Variants in CCDC171 observed in about 807,000 individuals in gnomAD.
CCDC171 encodes the protein coiled-coil domain containing 171, also known as coiled-coil domain-containing protein 171.
Under a neutral mutation model 168.2 loss-of-function variants are expected in CCDC171, and 177 were observed. The ratio of observed to expected loss-of-function variants is 1.05; its 90% CI spans 0.93 to 1.19. CCDC171 has a LOEUF of 1.19. Ranked by LOEUF, CCDC171 falls within the 50% of genes most tolerant of loss-of-function variation. CCDC171 has a pLI of 0.00. For synonymous variants in CCDC171, 687 were observed against 540.8 expected (o/e 1.27, Z -3.75); for missense variants, 1,991 against 1,539.0 (o/e 1.29, Z -4.91).
intron 24 of CCDC171, among the ~76,000 whole-genome samples, chr9:15,906,904 G>C (rs1822734795): frequency 6.6e-6 from 1 of 151,904 alleles, no homozygotes; most frequent in African/African-American, 2.4e-5. Context: ...TCCAAATCAT[G>C]AGTGAACTCC....
intron 6 of CCDC171, among the ~76,000 whole-genome samples, chr9:15,613,753 G>A (rs2043881719): frequency 6.6e-6 from 1 of 152,084 alleles, no homozygotes; most frequent in African/African-American, 2.4e-5. Context: ...TTGAACTCCT[G>A]ACCTTGTGAT....
intron 3 of CCDC171, among the ~76,000 whole-genome samples, chr9:15,986,167 G>C (rs1831980187): frequency 6.6e-6 from 1 of 152,210 alleles, no homozygotes; most frequent in Non-Finnish European, 1.5e-5. Flanking sequence ...TTCTAAAACA[G>C]AAGAAGATTA....
intron 13 of CCDC171, 93 bp downstream of exon 13, chr9:15,723,839 A>G (rs2053641170): frequency 1.8e-6 from 1 of 541,644 alleles, no homozygotes; most frequent in African/African-American, 2.0e-5. Context: ...GGTACCTGAA[A>G]ATATGTATTT....
intron 25 of CCDC171, among the ~76,000 whole-genome samples, chr9:15,928,441 T>C (rs995275975): frequency 6.6e-6 from 1 of 151,734 alleles, no homozygotes; most frequent in Non-Finnish European, 1.5e-5. Context: ...GAGATGACAC[T>C]GGAGGAGAAG....
At chr9:16,080,843 T>C in the CCDC171 span, among the ~76,000 whole-genome samples, 1 of 152,208 alleles carries the variant, frequency 6.6e-6, no homozygotes, top group African/African-American at 2.4e-5. Flanking sequence ...GCTTTTCTGC[T>C]GCCCCCAGGC....
At chr9:15,912,945 T>G (rs1589106433) in intron 24 of CCDC171, among the ~76,000 whole-genome samples, 1 of 152,228 alleles carries the variant, frequency 6.6e-6, no homozygotes, top group South Asian at 2.1e-4. Flanking sequence ...TTTGCCAGTA[T>G]TTTATTGAGG....
intron 25 of CCDC171, among the ~76,000 whole-genome samples, chr9:15,928,615 G>T (rs907994899): frequency 5.3e-5 from 8 of 151,426 alleles, no homozygotes; most frequent in African/African-American, 1.9e-4. Context: ...TGCATTTTAT[G>T]TCATAACAGT....
intron 18 of CCDC171, among the ~76,000 whole-genome samples, chr9:15,772,444 C>A (rs2057064255): frequency 6.6e-6 from 1 of 151,976 alleles, no homozygotes; most frequent in Non-Finnish European, 1.5e-5. Context: ...TGTTTGCCTC[C>A]ACAGTTTGAA....
Position 15,846,639 on chromosome 9 carries a change from A to G in CCDC171, c.3268-63A>G, listed in dbSNP as rs932970531. On this transcript the variant is annotated intron_variant, in intron 21 of 25. Coordinates refer to ENST00000380701, the MANE Select transcript of CCDC171 (RefSeq NM_173550.4). Reference sequence around the variant, plus strand: ...TGTATTCTTCTTTGTTTAATAGCCTATGGCATAAATTGAAGTTAATTATCA... The same window carrying G: ...TGTATTCTTCTTTGTTTAATAGCCTGTGGCATAAATTGAAGTTAATTATCA... The G allele has an allele frequency of 2.3e-5, 35 of 1,518,920 alleles. No individual in the cohort carries two copies. The African/African-American group carries it at 3.2e-4, about 14-fold the overall frequency. 94.1% of individuals were successfully genotyped at this position (1,518,920 alleles called of 1,614,324 possible).
intron 21 of CCDC171, among the ~76,000 whole-genome samples, chr9:15,812,372 A>G (rs535356184): frequency 5.3e-5 from 8 of 152,326 alleles, no homozygotes; most frequent in South Asian, 4.1e-4. Context: ...CAAGGAGTCT[A>G]GGTATATTGA....
At chr9:15,792,708 A>T (rs2058330987) in intron 21 of CCDC171, among the ~76,000 whole-genome samples, 1 of 152,174 alleles carries the variant, frequency 6.6e-6, no homozygotes, top group African/African-American at 2.4e-5. Flanking sequence ...CCAGAATTTC[A>T]TATCCAGCCA....
At chr9:15,727,823 C>T (rs1470237839) in intron 14 of CCDC171, 46 bp from the exon 15 acceptor site, 3 of 1,471,086 alleles carry the variant, frequency 2.0e-6, no homozygotes, top group East Asian at 2.3e-5. Context: ...TTACTTCTTA[C>T]AATGTTTATA....
chr9:16,002,960 A>C (rs1460161407), intron 3 of CCDC171, among the ~76,000 whole-genome samples: 1 of 152,234 alleles, frequency 6.6e-6, no homozygotes, highest in Non-Finnish European at 1.5e-5. Context: ...TATACCGTCT[A>C]GGTTTGTGTC....
chr9:15,944,431 A>G (rs937864745), intron 25 of CCDC171, among the ~76,000 whole-genome samples: 5 of 151,988 alleles, frequency 3.3e-5, no homozygotes, highest in Non-Finnish European at 7.4e-5. Flanking sequence ...GGGGAGGAGG[A>G]GAAGGATTAG....
At chr9:16,012,660 C>T (rs1419546549) in intron 3 of CCDC171, among the ~76,000 whole-genome samples, 1 of 151,176 alleles carries the variant, frequency 6.6e-6, no homozygotes, top group Non-Finnish European at 1.5e-5. Context: ...AATTTTGTAT[C>T]AGACTCTTGC....
downstream of CCDC171, among the ~76,000 whole-genome samples, chr9:16,062,814 G>A (rs902786032): frequency 3.3e-5 from 5 of 152,158 alleles, no homozygotes; most frequent in African/African-American, 4.8e-5. Context: ...GGTGAGGGAC[G>A]AATTAATTGT....
chr9:15,946,978 A>G (rs990871535), intron 25 of CCDC171, among the ~76,000 whole-genome samples: 2 of 151,982 alleles, frequency 1.3e-5, no homozygotes, highest in African/African-American at 4.8e-5. Flanking sequence ...TACAATTAGC[A>G]TTTTAATCTG....
chr9:16,045,400 G>T (rs1833645177), intron 1 of CCDC171, among the ~76,000 whole-genome samples: 1 of 152,184 alleles, frequency 6.6e-6, no homozygotes, highest in African/African-American at 2.4e-5. Flanking sequence ...TGTTATGGGG[G>T]CTGTCTTGTG....
At chr9:15,841,356 C>T (rs769503988) in intron 21 of CCDC171, among the ~76,000 whole-genome samples, 69 of 152,074 alleles carry the variant, frequency 4.5e-4, no homozygotes, top group Non-Finnish European at 6.2e-4. Context: ...TCTGTAATGA[C>T]GTTACATGTA....
Sources: gnomAD v4.1 joint callset for allele counts (sites outside exome capture counted in the v4.1 genomes callset) on GRCh38, gnomAD v4.1.1 for gene constraint, MANE v1.5 for transcripts, NCBI Gene and HGNC (gene_info 2026-07-23, HGNC 2026-07-21) for gene names.